Variants in TTC39B observed in about 807,000 individuals in gnomAD.
TTC39B encodes tetratricopeptide repeat domain 39B, also known as tetratricopeptide repeat protein 39B.
A neutral mutation model predicts 96.6 loss-of-function variants in TTC39B; 92 were observed. That is an observed-to-expected ratio of 0.95 (90% confidence interval 0.80 to 1.13). TTC39B has a LOEUF of 1.13. TTC39B is among the 50% of genes most tolerant of loss of function. The pLI, the probability that TTC39B is intolerant of heterozygous loss-of-function variation, is 0.00. For missense variants in TTC39B, 955 were observed against 809.3 expected, an observed-to-expected ratio of 1.18 and a Z score of -2.18; for synonymous variants, 367 against 299.4, an observed-to-expected ratio of 1.23 and a Z score of -2.33.
rs1202218061 is a variant in TTC39B, at chr9:15,210,068, A to G, written c.691+20T>C. The stretch of plus-strand genomic sequence containing the variant: ...ACTATTAAAATCAAGGAAAAAAGTG[A>G]TCTTTTAAATGACTTTTACCTTCAC... On this transcript the variant is annotated intron_variant, in intron 6 of 19. Coordinates refer to ENST00000512701, the Ensembl canonical transcript of TTC39B. 1 of 1,547,846 alleles carries G rather than the reference A, an allele frequency of 6.5e-7. No individual in the cohort carries two copies. Among genetic ancestry groups the G allele is most frequent in the Non-Finnish European group, 8.8e-7 (1 of 1,135,286 alleles).
At chr9:15,193,883 A>T (rs879641958) in intron 8 of TTC39B, among the ~76,000 whole-genome samples, 2 of 152,240 alleles carry the variant, frequency 1.3e-5, no homozygotes, top group African/African-American at 2.4e-5. Context: ...AAATGTCAAC[A>T]TCATTAAAGA....
At chr9:15,296,208 G>A (rs1222325155) in intron 1 of TTC39B, among the ~76,000 whole-genome samples, 1 of 152,126 alleles carries the variant, frequency 6.6e-6, no homozygotes, top group Non-Finnish European at 1.5e-5. Context: ...GGCTCAAGTT[G>A]GTTTTCTATC....
At chr9:15,276,705 A>G (rs1343640944) in intron 1 of TTC39B, among the ~76,000 whole-genome samples, 1 of 152,162 alleles carries the variant, frequency 6.6e-6, no homozygotes, top group East Asian at 1.9e-4. Context: ...TGGAGGTTAG[A>G]CCTGTCTGGG....
chr9:15,230,056 T>C (rs954541457), intron 2 of TTC39B, among the ~76,000 whole-genome samples: 1 of 152,244 alleles, frequency 6.6e-6, no homozygotes, highest in Admixed American at 6.5e-5. Flanking sequence ...AGGCTTTTAA[T>C]ATCTGAACAC....
chr9:15,203,684 T>A, intron 7 of TTC39B, 139 bp downstream of exon 7: 1 of 639,978 alleles, frequency 1.6e-6, no homozygotes, highest in Non-Finnish European at 2.5e-6. Context: ...TCAGCCAAAG[T>A]TTATCAGAAT....
rs914144695 is a variant in TTC39B at position 15,188,546 on chromosome 9, C to A, written c.1234-414G>T. ...TATCATTCATCAATTTAATAAAATT[C>A]TGTAAGAAAAAGAAAACTCAACAGG... On this transcript the variant is annotated intron_variant, in intron 13 of 19. Transcript: ENST00000512701. 3.6e-4 allele frequency among the ~76,000 whole-genome samples: 54 copies of A among 151,930 alleles called. 1 individual carries two copies. Among genetic ancestry groups the A allele is most frequent in the African/African-American group, 1.3e-3 (54 of 41,338 alleles).
At chr9:15,201,016 A>G (rs1819506434) in intron 7 of TTC39B, among the ~76,000 whole-genome samples, 1 of 152,212 alleles carries the variant, frequency 6.6e-6, no homozygotes, top group African/African-American at 2.4e-5. Context: ...AAATAAAAAG[A>G]AGAAAAAAGA....
At chr9:15,211,066 C>T (rs1820168910) in intron 5 of TTC39B, among the ~76,000 whole-genome samples, 200 bp downstream of exon 5, 1 of 150,814 alleles carries the variant, frequency 6.6e-6, no homozygotes, top group Non-Finnish European at 1.5e-5. Context: ...ATCTCTGTAG[C>T]TCAGACCCCA....
At chr9:15,255,229 C>A (rs750483698) in intron 2 of TTC39B, among the ~76,000 whole-genome samples, 1 of 152,038 alleles carries the variant, frequency 6.6e-6, no homozygotes, top group Non-Finnish European at 1.5e-5. Flanking sequence ...CAGGGTTCTT[C>A]CAATTTGTTG....
chr9:15,240,802 C>T (rs2054862312), intron 2 of TTC39B, among the ~76,000 whole-genome samples: 1 of 152,178 alleles, frequency 6.6e-6, no homozygotes, highest in African/African-American at 2.4e-5. Context: ...TCCAACCTTT[C>T]ACTACTTTAA....
chr9:15,266,640 G>A (rs1156583903), intron 2 of TTC39B, among the ~76,000 whole-genome samples: 1 of 152,054 alleles, frequency 6.6e-6, no homozygotes, highest in East Asian at 1.9e-4. Context: ...AACAAACGGT[G>A]CCCCTCTACC....
intron 1 of TTC39B, among the ~76,000 whole-genome samples, chr9:15,286,484 C>T (rs1823979987): frequency 6.6e-6 from 1 of 152,340 alleles, no homozygotes; most frequent in African/African-American, 2.4e-5. Flanking sequence ...CACAGATGTT[C>T]ATCTCCTTCC....
intron 8 of TTC39B, among the ~76,000 whole-genome samples, chr9:15,197,469 G>C (rs933987323): frequency 2.6e-5 from 4 of 152,176 alleles, no homozygotes; most frequent in African/African-American, 9.7e-5. Flanking sequence ...TTTTGGTTCT[G>C]CTACCAGTAA....
chr9:15,191,743 T>C (rs1435008780), intron 9 of TTC39B, among the ~76,000 whole-genome samples: 4 of 152,188 alleles, frequency 2.6e-5, no homozygotes, highest in African/African-American at 4.8e-5. Flanking sequence ...CACCTGGTTA[T>C]GCACTATGCT....
At chr9:15,204,032 G>A in intron 6 of TTC39B, 142 bp from the exon 7 acceptor site, 1 of 647,656 alleles carries the variant, frequency 1.5e-6, no homozygotes, top group South Asian at 2.4e-5. Flanking sequence ...CACAAAAGTG[G>A]AATGATAACC....
intron 2 of TTC39B, among the ~76,000 whole-genome samples, chr9:15,236,747 C>G (rs934335920): frequency 1.3e-5 from 2 of 152,050 alleles, no homozygotes; most frequent in Non-Finnish European, 2.9e-5. Context: ...GAAATTAAGG[C>G]AGAAATAAAA....
rs537495123 is a variant in TTC39B at position 15,178,121 on chromosome 9, G to A, written c.1724-307C>T. 3.7e-3 allele frequency among the ~76,000 whole-genome samples: 557 copies of A among 151,934 alleles called. 5 individuals are homozygous for A. Among genetic ancestry groups the A allele is most frequent in the African/African-American group, 0.013 (520 of 41,444 alleles). On this transcript the variant is annotated intron_variant, in intron 17 of 19. Coordinates refer to ENST00000512701, the Ensembl canonical transcript of TTC39B. ...CCTGACCTCATGATCCACCCACCTC[G>A]GCCTCCCAGAGTGCTGGGATTACAG...
intron 17 of TTC39B, among the ~76,000 whole-genome samples, chr9:15,181,329 T>A (rs1818237702): frequency 6.6e-6 from 1 of 152,188 alleles, no homozygotes; most frequent in South Asian, 2.1e-4. Flanking sequence ...CCATTTCTCT[T>A]GGGGTAATAC....
intron 2 of TTC39B, among the ~76,000 whole-genome samples, chr9:15,263,724 A>G (rs534149822): frequency 6.6e-6 from 1 of 152,286 alleles, no homozygotes; most frequent in African/African-American, 2.4e-5. Flanking sequence ...CTGCTACAAG[A>G]TTCTTCGTGT....
Sources: gnomAD v4.1 joint callset for allele counts (sites outside exome capture counted in the v4.1 genomes callset) on GRCh38, gnomAD v4.1.1 for gene constraint, MANE v1.5 for transcripts, NCBI Gene and HGNC (gene_info 2026-07-23, HGNC 2026-07-21) for gene names.